Variants in ARHGAP15 observed in about 807,000 individuals in gnomAD.
The protein encoded by ARHGAP15 is Rho GTPase activating protein 15.
In ARHGAP15, 51 loss-of-function variants were observed where a neutral mutation model predicts 63.7. That is an observed-to-expected ratio of 0.80 (90% CI 0.64 to 1.01). The LOEUF (loss-of-function observed/expected upper bound fraction) is 1.01, where lower values mean the gene tolerates loss of function less well. ARHGAP15 is among the 50% of genes least tolerant of loss of function. ARHGAP15 has a pLI of 0.00. For synonymous variants in ARHGAP15, 191 were observed against 193.8 expected (o/e 0.99, Z 0.12); for missense variants, 560 against 564.6 (o/e 0.99, Z 0.08).
intron 6 of ARHGAP15, 102 bp downstream of exon 6, chr2:143,250,702 A>G: frequency 1.1e-6 from 1 of 890,476 alleles, no homozygotes; most frequent in Non-Finnish European, 1.7e-6. Context: ...GCTCATGTAC[A>G]TGAACTCGTT....
chr2:143,603,217 G>A (rs1697846939), intron 11 of ARHGAP15, among the ~76,000 whole-genome samples: 1 of 152,172 alleles, frequency 6.6e-6, no homozygotes. Flanking sequence ...ATTCCTTTAT[G>A]TTCAGGCACA....
At chr2:143,423,786 T>C (rs1421950018) in intron 6 of ARHGAP15, among the ~76,000 whole-genome samples, 1 of 152,168 alleles carries the variant, frequency 6.6e-6, no homozygotes, top group African/African-American at 2.4e-5. Context: ...GTTCTTCTCC[T>C]GGATTGTATT....
chr2:143,672,867 T>C (rs1047029181), intron 12 of ARHGAP15, among the ~76,000 whole-genome samples: 1 of 152,214 alleles, frequency 6.6e-6, no homozygotes, highest in African/African-American at 2.4e-5. Flanking sequence ...TTTGCATTCC[T>C]GTACTTTCAA....
intron 11 of ARHGAP15, among the ~76,000 whole-genome samples, chr2:143,604,828 T>C (rs747284305): frequency 8.6e-4 from 131 of 152,290 alleles, no homozygotes; most frequent in South Asian, 1.9e-3. Context: ...TTTGCTTTAT[T>C]GTAGTGAAGA....
intron 13 of ARHGAP15, among the ~76,000 whole-genome samples, chr2:143,753,166 T>A (rs974423360): frequency 6.6e-6 from 1 of 152,028 alleles, no homozygotes. Context: ...TAACATAAAA[T>A]ATATGTTGAC....
chr2:143,721,128 C>T (rs1400989392), intron 13 of ARHGAP15, among the ~76,000 whole-genome samples: 5 of 148,924 alleles, frequency 3.4e-5, no homozygotes, highest in African/African-American at 1.2e-4. Flanking sequence ...AGATTCTGTA[C>T]AGAGAACAAG....
At chr2:143,316,935 G>A (rs1275711539) in intron 6 of ARHGAP15, among the ~76,000 whole-genome samples, 5 of 152,118 alleles carry the variant, frequency 3.3e-5, no homozygotes, top group Non-Finnish European at 5.9e-5. Context: ...ATTCAAAATT[G>A]AACTTACGTA....
chr2:143,528,969 G>A (rs1694407001), intron 10 of ARHGAP15, among the ~76,000 whole-genome samples: 1 of 151,942 alleles, frequency 6.6e-6, no homozygotes. Flanking sequence ...GTTTTCTCAG[G>A]GTGATCTCAA....
intron 13 of ARHGAP15, among the ~76,000 whole-genome samples, chr2:143,718,382 G>A (rs1183166259): frequency 1.3e-5 from 2 of 152,280 alleles, no homozygotes; most frequent in Middle Eastern, 3.4e-3. Flanking sequence ...ATCTTTTTTG[G>A]AAGTAGCTAC....
At chr2:143,575,451 G>A (rs1478510806) in intron 11 of ARHGAP15, among the ~76,000 whole-genome samples, 4 of 152,110 alleles carry the variant, frequency 2.6e-5, no homozygotes, top group Admixed American at 2.6e-4. Flanking sequence ...TGAGGGATAA[G>A]GGGAAGACTA....
chr2:143,435,426 T>G, intron 6 of ARHGAP15, 175 bp from the exon 7 acceptor site: 2 of 1,230,472 alleles, frequency 1.6e-6, no homozygotes, highest in South Asian at 4.0e-5. Flanking sequence ...GAAAAACAGT[T>G]TATAGAGAGC....
chr2:143,364,112 G>A (rs1049514811), intron 6 of ARHGAP15, among the ~76,000 whole-genome samples: 8 of 151,936 alleles, frequency 5.3e-5, no homozygotes, highest in Non-Finnish European at 7.4e-5. Flanking sequence ...AAGAGGTACC[G>A]GGGAAGCCAA....
At chr2:143,685,688 G>T (rs892553537) in intron 12 of ARHGAP15, among the ~76,000 whole-genome samples, 2 of 152,112 alleles carry the variant, frequency 1.3e-5, no homozygotes, top group African/African-American at 4.8e-5. Context: ...AATGCTTCCC[G>T]TCAAGCCATT....
intron 5 of ARHGAP15, chr2:143,236,027 C>T: frequency 6.5e-7 from 1 of 1,530,424 alleles, no homozygotes; most frequent in Non-Finnish European, 8.8e-7. Context: ...AAACAAAACC[C>T]ATTTGATGGA....
chr2:143,754,746 C>T (rs1220481318), intron 13 of ARHGAP15, among the ~76,000 whole-genome samples: 1 of 152,188 alleles, frequency 6.6e-6, no homozygotes, highest in African/African-American at 2.4e-5. Context: ...CCCTCCCTCC[C>T]CAAGTCCAGA....
intron 2 of ARHGAP15, among the ~76,000 whole-genome samples, chr2:143,199,417 A>G (rs144560540): frequency 7.6e-4 from 116 of 152,306 alleles, no homozygotes; most frequent in African/African-American, 2.6e-3. Flanking sequence ...TCTCTTAAGT[A>G]TAAAATTATT....
chr2:143,524,455 CA>C (rs1160619429), intron 10 of ARHGAP15, among the ~76,000 whole-genome samples: 2 of 152,152 alleles, frequency 1.3e-5, no homozygotes, highest in Admixed American at 1.3e-4. Context: ...GTTTACAACC[CA>C]CTAAAAATGA....
At chr2:143,541,150 T>G (rs555041888) in intron 10 of ARHGAP15, among the ~76,000 whole-genome samples, 2 of 152,226 alleles carry the variant, frequency 1.3e-5, no homozygotes, top group Non-Finnish European at 2.9e-5. Flanking sequence ...CTGATACCCT[T>G]TCTGCCAGTT....
intron 8 of ARHGAP15, among the ~76,000 whole-genome samples, chr2:143,457,543 T>C (rs1238529997): frequency 2.7e-5 from 4 of 150,850 alleles, no homozygotes; most frequent in Non-Finnish European, 4.4e-5. Flanking sequence ...TTTTAATATA[T>C]ATATATTTAT....
Sources: allele counts gnomAD v4.1 joint callset (sites outside exome capture counted in the v4.1 genomes callset), GRCh38; gene constraint gnomAD v4.1.1; transcripts MANE v1.5; gene names NCBI Gene and HGNC (gene_info 2026-07-23, HGNC 2026-07-21).